PREX2: variants seen among roughly 807,000 people sequenced by gnomAD.
The protein encoded by PREX2 is phosphatidylinositol-3,4,5-trisphosphate dependent Rac exchange factor 2, also known as phosphatidylinositol 3,4,5-trisphosphate-dependent Rac exchanger 2 protein.
PREX2 carries 107 observed loss-of-function variants against 203.2 expected under a neutral mutation model. That is an observed-to-expected ratio of 0.53 (90% CI 0.45 to 0.62). PREX2 has a LOEUF of 0.62. Ranked by LOEUF, PREX2 falls within the 20% of genes least tolerant of loss-of-function variation. The pLI is 0.00. For missense variants in PREX2, 1,777 were observed against 1,955.9 expected, an observed-to-expected ratio of 0.91 and a Z score of 1.72; for synonymous variants, 672 against 663.6, an observed-to-expected ratio of 1.01 and a Z score of -0.19.
intron 11 of PREX2, among the ~76,000 whole-genome samples, chr8:68,063,773 A>T (rs771581279): frequency 6.6e-6 from 1 of 152,310 alleles, no homozygotes; most frequent in Non-Finnish European, 1.5e-5. Flanking sequence ...CAAGAAATAA[A>T]GGTTGCTGGT....
At chr8:67,953,227 C>T (rs1805406704) in intron 1 of PREX2, among the ~76,000 whole-genome samples, 1 of 139,980 alleles carries the variant, frequency 7.1e-6, no homozygotes, top group South Asian at 2.5e-4. Context: ...TTCTGGTCCC[C>T]TGTTTACATG....
intron 1 of PREX2, among the ~76,000 whole-genome samples, chr8:68,009,611 C>G (rs1807206012): frequency 6.6e-6 from 1 of 152,124 alleles, no homozygotes. Context: ...ATGAAACATA[C>G]TTTTATATGA....
intron 11 of PREX2, among the ~76,000 whole-genome samples, chr8:68,064,745 C>T (rs535103054): frequency 2.6e-5 from 4 of 152,096 alleles, no homozygotes; most frequent in South Asian, 2.1e-4. Context: ...TCTATGCTGT[C>T]GAGGTTATTT....
Position 68,080,756 on chromosome 8 carries a change from A to G in PREX2, c.1796A>G (p.Asn599Ser), listed in dbSNP as rs1809495124. Residue 599 changes from asparagine (N) to serine (S), a missense_variant, in exon 17 of 40, where the codon AAT becomes AGT. Coordinates refer to ENST00000288368, the MANE Select transcript of PREX2 (RefSeq NM_024870.4). The stretch of plus-strand genomic sequence containing the variant: ...TATTTTGCATTTCAGATTAAATCCA[A>G]TGAAGGCAGCTATGGCTTTGGATTA... ...VIAKSLLIKSNEGSYGFGLED... is the reference protein window; with the variant it reads ...VIAKSLLIKSSEGSYGFGLED... 1.3e-6 allele frequency: 2 copies of G among 1,559,314 alleles called. No individual in the cohort carries two copies. Among genetic ancestry groups the G allele is most frequent in the Non-Finnish European group, 1.7e-6 (2 of 1,145,328 alleles).
At chr8:68,023,936 T>C (rs6988386) in intron 4 of PREX2, among the ~76,000 whole-genome samples, 25,574 of 152,018 alleles carry the variant, frequency 0.17, 2,737 homozygotes, top group African/African-American at 0.29. Context: ...TACTTCTTCT[T>C]TTCCATTGTG....
chr8:68,228,343 C>G (rs1055800155), intron 39 of PREX2, among the ~76,000 whole-genome samples: 1 of 152,088 alleles, frequency 6.6e-6, no homozygotes. Flanking sequence ...AAAAAATTGG[C>G]CGAGCATGGT....
Position 68,115,921 on chromosome 8 carries a change from A to T in PREX2, c.3315A>T (p.Arg1105Ser). Residue 1105 changes from arginine to serine, a missense_variant, in exon 26 of 40, where the codon AGA (arginine) becomes AGT (serine). Transcript: ENST00000288368. Reference protein sequence around the residue: ...EDSGHDTISNRDSYSDCNSNR... With the variant: ...EDSGHDTISNSDSYSDCNSNR... Reference sequence around the variant, plus strand: ...CTGGTCATGACACCATCAGCAACAGAGACTCTTACAGGTAATTCACTAATT... The same window carrying T: ...CTGGTCATGACACCATCAGCAACAGTGACTCTTACAGGTAATTCACTAATT... 6.2e-7 allele frequency: 1 copy of T among 1,609,774 alleles called. No individual in the cohort carries two copies. The highest frequency in any genetic ancestry group is 8.5e-7 in the Non-Finnish European group (1 of 1,178,412).
intron 34 of PREX2, among the ~76,000 whole-genome samples, chr8:68,155,975 A>G (rs1811536763): frequency 6.6e-6 from 1 of 152,228 alleles, no homozygotes; most frequent in African/African-American, 2.4e-5. Flanking sequence ...TATTACATTA[A>G]TATTTCTTAA....
At chr8:68,159,086 G>T (rs570032610) in intron 35 of PREX2, among the ~76,000 whole-genome samples, 1 of 152,030 alleles carries the variant, frequency 6.6e-6, no homozygotes, top group African/African-American at 2.4e-5. Context: ...ATTCCATTAG[G>T]CAGTCAACTA....
At chr8:68,090,829 T>TGG in intron 20 of PREX2, 114 bp downstream of exon 20, 1 of 705,036 alleles carries the variant, frequency 1.4e-6, no homozygotes, top group Non-Finnish European at 2.3e-6. Flanking sequence ...AGTTTAAAAT[T>TGG]AAACACAGCA....
At chr8:68,203,471 A>C (rs929870617) in intron 37 of PREX2, among the ~76,000 whole-genome samples, 3 of 152,122 alleles carry the variant, frequency 2.0e-5, no homozygotes, top group Non-Finnish European at 4.4e-5. Context: ...ACAAATGTGG[A>C]GGTGATTAGT....
At chr8:68,150,770 G>A (rs1811417732) in intron 34 of PREX2, among the ~76,000 whole-genome samples, 1 of 152,148 alleles carries the variant, frequency 6.6e-6, no homozygotes, top group South Asian at 2.1e-4. Flanking sequence ...TCATTTCCCA[G>A]TGCTGCCCTA....
At chr8:68,196,415 T>TTA (rs1271907960) in intron 37 of PREX2, among the ~76,000 whole-genome samples, 1 of 147,490 alleles carries the variant, frequency 6.8e-6, no homozygotes, top group Non-Finnish European at 1.5e-5. Context: ...GCTTTATATA[T>TTA]TATATATATG....
chr8:68,140,949 A>C (rs972550743), intron 33 of PREX2, among the ~76,000 whole-genome samples: 2 of 152,202 alleles, frequency 1.3e-5, no homozygotes, highest in African/African-American at 4.8e-5. Flanking sequence ...AAATATCTTG[A>C]TTAAAGACAG....
At chr8:68,080,631 C>T in intron 16 of PREX2, 46 bp downstream of exon 16, 1 of 1,509,710 alleles carries the variant, frequency 6.6e-7, no homozygotes, top group Middle Eastern at 1.8e-4. Context: ...TGATTAGACA[C>T]TAGCAGAAGA....
At chr8:68,096,468 C>T (rs1810076774) in intron 21 of PREX2, among the ~76,000 whole-genome samples, 2 of 152,126 alleles carry the variant, frequency 1.3e-5, no homozygotes, top group Non-Finnish European at 2.9e-5. Context: ...TATAGGCAGA[C>T]ATTTTAGATG....
chr8:68,076,950 G>T (rs1809371769), intron 14 of PREX2, among the ~76,000 whole-genome samples: 1 of 152,102 alleles, frequency 6.6e-6, no homozygotes, highest in Non-Finnish European at 1.5e-5. Flanking sequence ...GGTTTCTTCA[G>T]GGGTCCTCAC....
intron 19 of PREX2, among the ~76,000 whole-genome samples, chr8:68,088,821 T>A (rs1389693662): frequency 2.0e-5 from 3 of 152,158 alleles, no homozygotes; most frequent in Non-Finnish European, 4.4e-5. Context: ...ATAATTCACA[T>A]TAATAGTGCT....
At chr8:67,955,589 C>T (rs1367191584) in intron 1 of PREX2, among the ~76,000 whole-genome samples, 1 of 152,174 alleles carries the variant, frequency 6.6e-6, no homozygotes, top group Non-Finnish European at 1.5e-5. Flanking sequence ...TCCATAGTAC[C>T]CAAAGTAGTT....
Sources: allele counts gnomAD v4.1 joint callset (sites outside exome capture counted in the v4.1 genomes callset), GRCh38; gene constraint gnomAD v4.1.1; transcripts MANE v1.5; gene names NCBI Gene and HGNC (gene_info 2026-07-23, HGNC 2026-07-21).